Variants in ACOT12 observed in about 807,000 individuals in gnomAD.
The protein encoded by ACOT12 is acetyl-coenzyme A thioesterase.
A neutral mutation model predicts 67.7 loss-of-function variants in ACOT12; 51 were observed. The observed-to-expected ratio is 0.75, with a 90% CI of 0.60 to 0.95. ACOT12 has a LOEUF of 0.95. ACOT12 is among the 40% of genes least tolerant of loss of function. ACOT12 has a pLI of 0.00. For synonymous variants in ACOT12, 251 were observed against 244.6 expected (o/e 1.03, Z -0.24); for missense variants, 734 against 708.1 (o/e 1.04, Z -0.41).
At chr5:81,348,775 G>T (rs150847107) in intron 5 of ACOT12, among the ~76,000 whole-genome samples, 2,495 of 152,228 alleles carry the variant, frequency 0.016, 74 homozygotes, top group African/African-American at 0.057. Flanking sequence ...TGTTGGCCAG[G>T]CTGGTCTTGA....
At chr5:81,334,469 G>T (rs12517108) in intron 12 of ACOT12, among the ~76,000 whole-genome samples, 4 of 152,108 alleles carry the variant, frequency 2.6e-5, no homozygotes, top group African/African-American at 9.7e-5. Flanking sequence ...TGAGCAGCAC[G>T]GAAGAAACAA....
chr5:81,361,458 C>T (rs983821497), intron 4 of ACOT12, among the ~76,000 whole-genome samples: 3 of 151,942 alleles, frequency 2.0e-5, no homozygotes, highest in Non-Finnish European at 2.9e-5. Flanking sequence ...TTCTCAGCCT[C>T]CCAAAGCACT....
At chr5:81,324,387 G>A in the ACOT12 span, among the ~76,000 whole-genome samples, 1 of 152,300 alleles carries the variant, frequency 6.6e-6, no homozygotes, top group South Asian at 2.1e-4. Flanking sequence ...ATTTGTTGGG[G>A]GAAAGGTGGC....
chr5:81,308,858 T>C, the ACOT12 span: 14 of 1,388,342 alleles, frequency 1.0e-5, no homozygotes, highest in African/African-American at 1.2e-4. Context: ...TGTAAATATA[T>C]TTTTTATTCA....
chr5:81,385,883 A>G, intron 1 of ACOT12, 57 bp from the exon 2 acceptor site: 1 of 1,512,104 alleles, frequency 6.6e-7, no homozygotes, highest in Non-Finnish European at 9.1e-7. Context: ...ATATTTCAGT[A>G]TAAGGGAAAG....
intron 3 of ACOT12, among the ~76,000 whole-genome samples, chr5:81,370,551 A>G (rs546375071): frequency 6.6e-6 from 1 of 152,322 alleles, no homozygotes; most frequent in Non-Finnish European, 1.5e-5. Context: ...AGACACCCAC[A>G]CAAGGAGAAC....
At chr5:81,331,047 T>A in intron 13 of ACOT12, 107 bp from the exon 14 acceptor site, 1 of 1,273,818 alleles carries the variant, frequency 7.9e-7, no homozygotes, top group Non-Finnish European at 1.0e-6. Flanking sequence ...AGTGAAACTA[T>A]GAAGGCCCAG....
chr5:81,330,404 C>T lies in ACOT12; in HGVS notation c.1658G>A (p.Ser553Asn). 3 of 1,612,012 alleles carry T rather than the reference C, an allele frequency of 1.9e-6. No individual in the cohort carries two copies. Among genetic ancestry groups the T allele is most frequent in the African/African-American group, 1.3e-5 (1 of 74,938 alleles). Residue 553 changes from serine (S) to asparagine (N), a missense_variant, in exon 15 of 15, where the codon AGC becomes AAC. Ser to Asn is a conservative substitution (Grantham distance 46). Transcript: ENST00000307624. Reference protein sequence around the residue: ...LENPPDDGFVSTF With the variant: ...LENPPDDGFVNTF ...ATTGAAAGTTGACCTTTAAAATGTG[C>T]TTACAAACCCATCATCAGGAGGATT...
Position 81,342,600 on chromosome 5 carries a change from G to C in ACOT12, c.1128+72C>G, listed in dbSNP as rs1297807784. Reference sequence around the variant, plus strand: ...CTTCTTAAAAGCCTCAGTAGAAGCAGTAGAACCACCACCACCACAGCTTTC... The same window carrying C: ...CTTCTTAAAAGCCTCAGTAGAAGCACTAGAACCACCACCACCACAGCTTTC... On this transcript the variant is annotated intron_variant, in intron 11 of 14. Transcript: ENST00000307624. The C allele has an allele frequency of 3.3e-5, 49 of 1,483,532 alleles. 1 individual carries two copies. The highest frequency in any genetic ancestry group is 8.5e-5 in the Admixed American group (5 of 58,732). The allele number at this position is 1,483,532 out of a possible 1,614,324, so 91.9% of individuals were successfully genotyped here.
At chr5:81,388,514 T>G (rs992987694) in intron 1 of ACOT12, among the ~76,000 whole-genome samples, 1 of 152,226 alleles carries the variant, frequency 6.6e-6, no homozygotes, top group Non-Finnish European at 1.5e-5. Flanking sequence ...TGATTGTAAG[T>G]AGGTACGAAA....
chr5:81,309,288 C>A, the ACOT12 span: 1 of 354,326 alleles, frequency 2.8e-6, no homozygotes, highest in Non-Finnish European at 5.1e-6. Flanking sequence ...ATTTGTGAGA[C>A]TATGTCATAC....
chr5:81,387,614 C>A (rs532962565), intron 1 of ACOT12, among the ~76,000 whole-genome samples: 4 of 150,500 alleles, frequency 2.7e-5, no homozygotes, highest in African/African-American at 9.8e-5. Context: ...CTCACTCCAG[C>A]GTCGAACTCC....
chr5:81,391,546 G>A (rs1252510796), intron 1 of ACOT12, among the ~76,000 whole-genome samples: 1 of 152,174 alleles, frequency 6.6e-6, no homozygotes, highest in Non-Finnish European at 1.5e-5. Context: ...TTAGTAGGAA[G>A]CACTTGAACA....
chr5:81,315,587 G>T, the ACOT12 span, among the ~76,000 whole-genome samples: 1 of 152,180 alleles, frequency 6.6e-6, no homozygotes, highest in Non-Finnish European at 1.5e-5. Flanking sequence ...TGATATAAAA[G>T]GAATCAACAG....
intron 4 of ACOT12, among the ~76,000 whole-genome samples, chr5:81,361,961 A>T (rs963901575): frequency 6.6e-6 from 1 of 152,146 alleles, no homozygotes; most frequent in South Asian, 2.1e-4. Flanking sequence ...CAAACCACTG[A>T]TTTTTCATGG....
chr5:81,356,663 G>T (rs1277669234), intron 5 of ACOT12, among the ~76,000 whole-genome samples: 1 of 151,898 alleles, frequency 6.6e-6, no homozygotes, highest in Non-Finnish European at 1.5e-5. Flanking sequence ...CTCAGTTCAT[G>T]GCACAACTGC....
chr5:81,326,227 G>A (rs1758673235), downstream of ACOT12, among the ~76,000 whole-genome samples: 1 of 141,790 alleles, frequency 7.1e-6, no homozygotes, highest in African/African-American at 2.6e-5. Context: ...CTGGGTTCAA[G>A]CATTCTCCTG....
chr5:81,311,229 G>C, the ACOT12 span: 2 of 1,614,124 alleles, frequency 1.2e-6, no homozygotes, highest in Non-Finnish European at 1.7e-6. Context: ...TGCAAACTTT[G>C]TGGCTCTGTG....
At chr5:81,362,163 CTT>C (rs529301882) in intron 4 of ACOT12, among the ~76,000 whole-genome samples, 35,274 of 131,100 alleles carry the variant, frequency 0.27, 4,186 homozygotes, top group African/African-American at 0.33. Context: ...CTATTATATT[CTT>C]TTTTTTTTTT....
Sources: allele counts gnomAD v4.1 joint callset (sites outside exome capture counted in the v4.1 genomes callset), GRCh38; gene constraint gnomAD v4.1.1; transcripts MANE v1.5; gene names NCBI Gene and HGNC (gene_info 2026-07-23, HGNC 2026-07-21).